The following MTA3 variants were observed in gnomAD, a reference collection of about 807,000 sequenced individuals.
MTA3 encodes metastasis-associated protein MTA3.
Under a neutral mutation model 83.5 loss-of-function variants are expected in MTA3, and 34 were observed. That is an observed-to-expected ratio of 0.41 (90% confidence interval 0.31 to 0.54). MTA3 has a LOEUF of 0.54. MTA3 is among the 20% of genes least tolerant of loss of function. The probability of loss-of-function intolerance (pLI) is 0.33; values close to 1 mark genes in which losing one functional copy is unlikely to be tolerated. For synonymous variants in MTA3, 303 were observed against 252.7 expected (o/e 1.20, Z -1.89); for missense variants, 761 against 726.4 (o/e 1.05, Z -0.55).
chr2:42,548,819 A>ATAT (rs1676889339), intron 2 of MTA3, among the ~76,000 whole-genome samples: 2 of 25,040 alleles, frequency 8.0e-5, no homozygotes, highest in African/African-American at 2.1e-4. Context: ...AAATATATAT[A>ATAT]TATATATATA....
intron 2 of MTA3, among the ~76,000 whole-genome samples, chr2:42,561,956 A>C (rs1231719586): frequency 2.0e-5 from 3 of 151,992 alleles, no homozygotes; most frequent in Non-Finnish European, 4.4e-5. Flanking sequence ...TCATTCTCTC[A>C]CAGTTCTACA....
At chr2:42,503,761 G>A (rs973853484) in intron 2 of MTA3, among the ~76,000 whole-genome samples, 1 of 152,110 alleles carries the variant, frequency 6.6e-6, no homozygotes, top group African/African-American at 2.4e-5. Context: ...TGTAGTCTCA[G>A]CTGCTCAGGA....
intron 2 of MTA3, among the ~76,000 whole-genome samples, chr2:42,534,195 T>G (rs754017701): frequency 1.8e-4 from 27 of 152,182 alleles, no homozygotes; most frequent in South Asian, 4.1e-4. Context: ...CAGATTTGCA[T>G]AGAGCAGGAA....
At chr2:42,685,485 C>T (rs1002807844) in intron 9 of MTA3, among the ~76,000 whole-genome samples, 3 of 152,208 alleles carry the variant, frequency 2.0e-5, no homozygotes, top group Non-Finnish European at 4.4e-5. Flanking sequence ...AGGAAGCTAA[C>T]ACTCTACCTG....
At chr2:42,672,099 C>T (rs972910934) in intron 8 of MTA3, among the ~76,000 whole-genome samples, 1 of 152,124 alleles carries the variant, frequency 6.6e-6, no homozygotes, top group African/African-American at 2.4e-5. Context: ...AGAATCACAG[C>T]CAGGTGGCAA....
At chr2:42,622,077 G>T (rs368602179) in intron 4 of MTA3, among the ~76,000 whole-genome samples, 1 of 152,166 alleles carries the variant, frequency 6.6e-6, no homozygotes, top group African/African-American at 2.4e-5. Flanking sequence ...AGGTTGTAGC[G>T]AGCCGAGATC....
chr2:42,606,502 C>T (rs1327415464), intron 3 of MTA3, among the ~76,000 whole-genome samples: 1 of 148,498 alleles, frequency 6.7e-6, no homozygotes, highest in Non-Finnish European at 1.5e-5. Context: ...CAGAGACGCC[C>T]CTCACTTCCT....
intron 4 of MTA3, among the ~76,000 whole-genome samples, chr2:42,635,456 C>T (rs755661668): frequency 1.2e-4 from 19 of 152,054 alleles, no homozygotes; most frequent in Non-Finnish European, 2.2e-4. Context: ...GGTGAAACCC[C>T]GTCTTTACTA....
intron 14 of MTA3, among the ~76,000 whole-genome samples, chr2:42,711,252 T>A (rs1666587110): frequency 6.6e-6 from 1 of 152,154 alleles, no homozygotes; most frequent in Non-Finnish European, 1.5e-5. Flanking sequence ...GGCTTGTGTG[T>A]TAATTTTCAG....
intron 2 of MTA3, among the ~76,000 whole-genome samples, chr2:42,501,785 C>G (rs950677073): frequency 6.6e-6 from 1 of 152,088 alleles, no homozygotes; most frequent in African/African-American, 2.4e-5. Context: ...TGAGACCAGC[C>G]TGGGCAACAT....
chr2:42,499,411 C>G (rs933598444), intron 2 of MTA3, among the ~76,000 whole-genome samples: 1 of 151,476 alleles, frequency 6.6e-6, no homozygotes, highest in African/African-American at 2.4e-5. Context: ...GGTGATCCAC[C>G]CGCCTCGGCC....
At chr2:42,731,722 A>G (rs1668243383) in intron 16 of MTA3, among the ~76,000 whole-genome samples, 1 of 152,132 alleles carries the variant, frequency 6.6e-6, no homozygotes, top group African/African-American at 2.4e-5. Flanking sequence ...TTTCAAAACC[A>G]ATCATGCCTT....
intron 2 of MTA3, among the ~76,000 whole-genome samples, chr2:42,498,348 C>T (rs1236466077): frequency 6.6e-6 from 1 of 152,144 alleles, no homozygotes; most frequent in Non-Finnish European, 1.5e-5. Context: ...GTTCAGAAGA[C>T]CACCAGGATG....
intron 3 of MTA3, among the ~76,000 whole-genome samples, chr2:42,589,027 C>T (rs1247500192): frequency 1.3e-5 from 2 of 152,024 alleles, no homozygotes; most frequent in Non-Finnish European, 2.9e-5. Flanking sequence ...ATTGTGGAGG[C>T]CAATCTTCTT....
chr2:42,502,612 A>G lies in MTA3; in HGVS notation c.-141+7358A>G, dbSNP rs1275056685. Reference sequence around the variant, plus strand: ...TCAGGAGTTTGAGACCAGCCTGGCCAACATGGTGAAACCTCGTCTCTACTA... The same window carrying G: ...TCAGGAGTTTGAGACCAGCCTGGCCGACATGGTGAAACCTCGTCTCTACTA... On this transcript the variant is annotated intron_variant, in intron 2 of 17. Transcript: ENST00000405592. Among the ~76,000 whole-genome samples the G allele has an allele frequency of 1.3e-5, 2 of 152,102 alleles. 1 individual carries two copies. Among genetic ancestry groups the G allele is most frequent in the African/African-American group, 4.8e-5 (2 of 41,414 alleles).
chr2:42,723,102 C>A (rs572072760), intron 16 of MTA3, 67 bp downstream of exon 16: 2 of 1,468,374 alleles, frequency 1.4e-6, no homozygotes, highest in Non-Finnish European at 1.8e-6. Context: ...CATGTGTCTG[C>A]CACATCCAAA....
At chr2:42,745,824 C>CTTT (rs146921280) in intron 16 of MTA3, among the ~76,000 whole-genome samples, 3 of 119,372 alleles carry the variant, frequency 2.5e-5, no homozygotes, top group Admixed American at 8.7e-5. Context: ...AAATAGTCCT[C>CTTT]TTTTTTTTGA....
intron 2 of MTA3, among the ~76,000 whole-genome samples, chr2:42,510,142 A>G (rs889659147): frequency 6.6e-6 from 1 of 151,962 alleles, no homozygotes; most frequent in Non-Finnish European, 1.5e-5. Context: ...CCTGGCCAAT[A>G]TGGTGAAACT....
chr2:42,638,064 A>C (rs568676499), intron 4 of MTA3, among the ~76,000 whole-genome samples: 3 of 152,280 alleles, frequency 2.0e-5, no homozygotes, highest in African/African-American at 7.2e-5. Context: ...AGTACCTATT[A>C]AAATAAAATT....
Sources: gnomAD v4.1 joint callset for allele counts (sites outside exome capture counted in the v4.1 genomes callset) on GRCh38, gnomAD v4.1.1 for gene constraint, MANE v1.5 for transcripts, NCBI Gene and HGNC (gene_info 2026-07-23, HGNC 2026-07-21) for gene names.